CDK14: variants seen among roughly 807,000 people sequenced by gnomAD.
The protein encoded by CDK14 is cyclin dependent kinase 14.
CDK14 carries 34 observed loss-of-function variants against 60.7 expected under a neutral mutation model. The observed-to-expected ratio is 0.56, with a 90% CI of 0.43 to 0.75. The LOEUF is 0.75. Among genes scored for constraint, CDK14 ranks in the 30% least tolerant of loss-of-function variants. The pLI is 0.00. For synonymous variants in CDK14, 197 were observed against 203.7 expected (o/e 0.97, Z 0.28); for missense variants, 482 against 564.1 (o/e 0.85, Z 1.47).
At chr7:90,759,402 T>C (rs531798794) in intron 4 of CDK14, among the ~76,000 whole-genome samples, 1 of 152,360 alleles carries the variant, frequency 6.6e-6, no homozygotes, top group South Asian at 2.1e-4. Context: ...ATTATTGTGG[T>C]AGTTTTGGTT....
chr7:91,008,127 C>CAAAAAAAA lies in CDK14; in HGVS notation c.1041+23897_1041+23904dup, dbSNP rs56082719. ...ATGGGAGCCAGTGCCGGGAGAAGGC[C>CAAAAAAAA]AAAAAAAAAAAAAAAAAACAAACAA... On this transcript the variant is annotated intron_variant, in intron 10 of 14. Transcript: ENST00000380050. Among the ~76,000 whole-genome samples, 220 of 62,556 alleles carry CAAAAAAAA rather than the reference C, an allele frequency of 3.5e-3. 15 individuals carry two copies. Among genetic ancestry groups the CAAAAAAAA allele is most frequent in the African/African-American group, 8.8e-3 (147 of 16,700 alleles). 41.0% of individuals were successfully genotyped at this position (62,556 alleles called of 152,430 possible).
intron 10 of CDK14, among the ~76,000 whole-genome samples, chr7:90,990,529 C>T (rs1795502321): frequency 1.3e-5 from 2 of 151,824 alleles, no homozygotes; most frequent in Admixed American, 6.6e-5. Flanking sequence ...ATTTACATGG[C>T]GAAAAATCTT....
At chr7:90,654,432 A>C (rs950543875) in intron 2 of CDK14, among the ~76,000 whole-genome samples, 4 of 152,198 alleles carry the variant, frequency 2.6e-5, no homozygotes, top group Non-Finnish European at 5.9e-5. Context: ...CTTGGCCAGA[A>C]TTTTGAAGTT....
chr7:90,829,292 G>C (rs1378554996), intron 5 of CDK14, among the ~76,000 whole-genome samples: 1 of 152,076 alleles, frequency 6.6e-6, no homozygotes, highest in Non-Finnish European at 1.5e-5. Flanking sequence ...TGCCTTCCCA[G>C]CAGTCTCCCA....
At chr7:90,688,291 T>C (rs1466327754) in intron 2 of CDK14, among the ~76,000 whole-genome samples, 3 of 152,122 alleles carry the variant, frequency 2.0e-5, no homozygotes, top group Admixed American at 2.0e-4. Flanking sequence ...GAATACGGAT[T>C]TCTAATGGCA....
chr7:91,131,084 A>G (rs966781932), intron 14 of CDK14, among the ~76,000 whole-genome samples: 1 of 150,958 alleles, frequency 6.6e-6, no homozygotes, highest in East Asian at 2.0e-4. Context: ...TGTGTTCTTT[A>G]GTTTTTTATT....
At position 90,854,700 on chromosome 7, in the gene CDK14, T is replaced by C. The variant is rs1030357383; in HGVS notation, c.545-8475T>C. 2.0e-5 allele frequency among the ~76,000 whole-genome samples: 3 copies of C among 152,040 alleles called. No homozygotes were observed. In the South Asian group the frequency reaches 6.2e-4, roughly 32 times the overall value. On this transcript the variant is annotated intron_variant, in intron 5 of 14. Transcript: ENST00000380050. The stretch of plus-strand genomic sequence containing the variant: ...TACTTTGTAGTGCTCTTGTTAACTG[T>C]ACATGTAACCCATGTGTAATAAAGT...
intron 10 of CDK14, among the ~76,000 whole-genome samples, chr7:91,034,677 T>A (rs1235535817): frequency 6.6e-6 from 1 of 152,186 alleles, no homozygotes; most frequent in Non-Finnish European, 1.5e-5. Context: ...CCCCCTGCTG[T>A]CTTTACCAGG....
chr7:91,072,858 C>A (rs377016610), intron 11 of CDK14, among the ~76,000 whole-genome samples: 4 of 151,778 alleles, frequency 2.6e-5, no homozygotes, highest in East Asian at 1.9e-4. Flanking sequence ...CAGCATGAGA[C>A]CTTCGTGAAG....
intron 8 of CDK14, among the ~76,000 whole-genome samples, chr7:90,935,605 C>G (rs1793726815): frequency 6.6e-6 from 1 of 152,126 alleles, no homozygotes; most frequent in South Asian, 2.1e-4. Flanking sequence ...GTATACCTAT[C>G]TTTACATAAT....
intron 2 of CDK14, among the ~76,000 whole-genome samples, chr7:90,621,687 GCCTTCCTT>G (rs1349799923): frequency 6.0e-5 from 8 of 132,408 alleles, no homozygotes; most frequent in Admixed American, 2.3e-4. Flanking sequence ...CTGCCTTCCT[GCCTTCCTT>G]CCTTCCTTCC....
intron 10 of CDK14, 100 bp from the exon 11 acceptor site, chr7:91,045,797 A>G (rs1249239447): frequency 1.4e-6 from 1 of 708,926 alleles, no homozygotes; most frequent in African/African-American, 1.8e-5. Flanking sequence ...AAAAAATACC[A>G]GAGTTTCATA....
intron 2 of CDK14, among the ~76,000 whole-genome samples, chr7:90,669,201 A>T (rs1250208445): frequency 6.6e-6 from 1 of 152,158 alleles, no homozygotes; most frequent in African/African-American, 2.4e-5. Context: ...GTGCAATCAG[A>T]GTCTATGAAA....
At chr7:91,197,348 C>T (rs772892975) in intron 14 of CDK14, among the ~76,000 whole-genome samples, 1 of 148,766 alleles carries the variant, frequency 6.7e-6, no homozygotes, top group Non-Finnish European at 1.5e-5. Flanking sequence ...TGCAGTGAGC[C>T]GAGATCACAC....
intron 4 of CDK14, among the ~76,000 whole-genome samples, chr7:90,775,073 G>A (rs748075133): frequency 6.6e-6 from 1 of 152,064 alleles, no homozygotes; most frequent in South Asian, 2.1e-4. Flanking sequence ...GACTTTTCTT[G>A]TGTGATCCTG....
At chr7:90,969,420 A>G (rs761649112) in intron 9 of CDK14, among the ~76,000 whole-genome samples, 3 of 152,226 alleles carry the variant, frequency 2.0e-5, no homozygotes, top group East Asian at 3.8e-4. Flanking sequence ...GATATGCCAC[A>G]TGAAGTTTCT....
chr7:91,046,451 A>G (rs1268165860), intron 11 of CDK14, among the ~76,000 whole-genome samples: 1 of 152,216 alleles, frequency 6.6e-6, no homozygotes, highest in Admixed American at 6.5e-5. Context: ...ATATGTTTTC[A>G]TGTAAAATAT....
intron 5 of CDK14, among the ~76,000 whole-genome samples, chr7:90,817,199 A>G (rs1312153416): frequency 6.6e-6 from 1 of 152,222 alleles, no homozygotes; most frequent in Non-Finnish European, 1.5e-5. Flanking sequence ...AAAATGTACC[A>G]TATAGTACAT....
intron 2 of CDK14, among the ~76,000 whole-genome samples, chr7:90,660,635 A>G (rs762704998): frequency 8.5e-5 from 13 of 152,246 alleles, no homozygotes; most frequent in Non-Finnish European, 1.5e-4. Flanking sequence ...TATACATACA[A>G]TATCAGTGTC....
Sources: allele counts gnomAD v4.1 joint callset (sites outside exome capture counted in the v4.1 genomes callset), GRCh38; gene constraint gnomAD v4.1.1; transcripts MANE v1.5; gene names NCBI Gene and HGNC (gene_info 2026-07-23, HGNC 2026-07-21).